KDELR3: variants seen among roughly 807,000 people sequenced by gnomAD.
The protein encoded by KDELR3 is ER lumen protein-retaining receptor 3.
KDELR3 carries 26 observed loss-of-function variants against 22.7 expected under a neutral mutation model. The ratio of observed to expected loss-of-function variants is 1.15; its 90% CI spans 0.84 to 1.59. The LOEUF (loss-of-function observed/expected upper bound fraction) is 1.59, where lower values mean the gene tolerates loss of function less well. KDELR3 is among the 40% of genes most tolerant of loss of function. KDELR3 has a pLI of 0.00. For synonymous variants in KDELR3, 120 were observed against 98.2 expected (o/e 1.22, Z -1.31); for missense variants, 289 against 251.1 (o/e 1.15, Z -1.02).
intron 2 of KDELR3, among the ~76,000 whole-genome samples, chr22:38,476,096 A>AT (rs1292147500): frequency 1.3e-5 from 2 of 149,954 alleles, no homozygotes; most frequent in South Asian, 2.1e-4. Context: ...TGCCTGGCTA[A>AT]TTTTTTTGTA....
In KDELR3 at chr22:38,474,833, A is replaced by G. The variant is rs535413899; in HGVS notation, c.192+210A>G. On this transcript the variant is annotated intron_variant, in intron 2 of 4. Coordinates refer to ENST00000216014, the MANE Select transcript of KDELR3 (RefSeq NM_006855.4). Reference sequence around the variant, plus strand: ...AGGACAGGGCTGGGCACTGTGGCTCATGCCTGTAATCCCAGCAATTTGGGA... The same window carrying G: ...AGGACAGGGCTGGGCACTGTGGCTCGTGCCTGTAATCCCAGCAATTTGGGA... 8.5e-5 allele frequency among the ~76,000 whole-genome samples: 13 copies of G among 152,198 alleles called. No individual in the cohort carries two copies. In the South Asian group the frequency reaches 2.7e-3, roughly 32 times the overall value.
chr22:38,474,192 C>CCA (rs2089542733), intron 1 of KDELR3: 1 of 245,194 alleles, frequency 4.1e-6, no homozygotes, highest in African/African-American at 2.3e-5. Flanking sequence ...TCAACAACCC[C>CCA]CACCAAGCCC....
In KDELR3 at chr22:38,477,031, C is replaced by T. The variant is rs148544025; in HGVS notation, c.192+2408C>T. Among the ~76,000 whole-genome samples, 1,367 of 150,690 alleles carry T rather than the reference C, an allele frequency of 9.1e-3. 20 individuals carry two copies. The highest frequency in any genetic ancestry group is 0.032 in the African/African-American group (1,292 of 40,886). On this transcript the variant is annotated intron_variant, in intron 2 of 4. Coordinates refer to ENST00000216014, the MANE Select transcript of KDELR3 (RefSeq NM_006855.4). The stretch of plus-strand genomic sequence containing the variant: ...TTCAAGAGATTCTGCCTCAGCCTCC[C>T]GAGTAGCTGGGATTACAGATGTGTG...
At chr22:38,472,700 G>C (rs950638710) in intron 1 of KDELR3, among the ~76,000 whole-genome samples, 1 of 151,596 alleles carries the variant, frequency 6.6e-6, no homozygotes, top group Non-Finnish European at 1.5e-5. Context: ...TTTTTGTTTT[G>C]TTTTGTTTTG....
At chr22:38,475,855 C>T (rs574952219) in intron 2 of KDELR3, among the ~76,000 whole-genome samples, 76 of 151,778 alleles carry the variant, frequency 5.0e-4, no homozygotes, top group African/African-American at 1.8e-3. Context: ...GCTGGTCTCA[C>T]GCTCCTGACC....
intron 2 of KDELR3, among the ~76,000 whole-genome samples, chr22:38,478,136 G>GA (rs149978584): frequency 0.028 from 4,139 of 149,768 alleles, 234 homozygotes; most frequent in African/African-American, 0.1. Context: ...TCATTGTAGT[G>GA]AAAAAAAGAC....
At chr22:38,473,875 GAGGCAGGAGAATCA>G (rs2089540344) in intron 1 of KDELR3, among the ~76,000 whole-genome samples, 1 of 152,132 alleles carries the variant, frequency 6.6e-6, no homozygotes, top group South Asian at 2.1e-4. Flanking sequence ...TTCGGAGGCT[GAGGCAGGAGAATCA>G]CTTGAACCCA....
chr22:38,476,406 G>C (rs190082588), intron 2 of KDELR3, among the ~76,000 whole-genome samples: 64 of 152,138 alleles, frequency 4.2e-4, no homozygotes, highest in Non-Finnish European at 7.8e-4. Flanking sequence ...TTTTAGTAGA[G>C]ACAGGGTTTC....
Position 38,474,614 on chromosome 22 carries a change from A to G in KDELR3, c.183A>G (p.Thr61=), listed in dbSNP as rs774252877. 1.2e-6 allele frequency: 2 copies of G among 1,612,608 alleles called. No homozygotes were observed. Among genetic ancestry groups the G allele is most frequent in the Non-Finnish European group, 1.7e-6 (2 of 1,178,790 alleles). Residue 61 remains threonine (T), a synonymous_variant, in exon 2 of 5, where the codon ACA becomes ACG. Transcript: ENST00000216014. ...LFTNFISIYN[T]VMKVVFLLCA... ...CCAACTTCATCTCCATCTACAACAC[A>G]GTAATGAAGGTGAGGGGCTGGGTGA... is the stretch of plus-strand genomic sequence containing the variant.
Position 38,472,571 on chromosome 22 carries a change from A to G in KDELR3, c.92-1952A>G, listed in dbSNP as rs196053. On this transcript the variant is annotated intron_variant, in intron 1 of 4. Transcript: ENST00000216014. The stretch of plus-strand genomic sequence containing the variant: ...ATTCCGGGATGGAATCCAGGAATGG[A>G]AAAAGGGCAGCAGTGGGAAAACTGG... Among the ~76,000 whole-genome samples the G allele has an allele frequency of 3.3e-3, 501 of 152,336 alleles. 4 individuals are homozygous for G. The highest frequency in any genetic ancestry group is 0.012 in the African/African-American group (480 of 41,562).
In KDELR3 at chr22:38,468,339, G is replaced by T; in HGVS notation, c.91+15G>T. On this transcript the variant is annotated intron_variant, in intron 1 of 4. Transcript: ENST00000216014. ...GTGCTGCAAGGGTGAGGGGCGCCTG[G>T]CAGGGAGGTGCGGGACCCCCTCTCT... 1 of 1,611,508 alleles carries T rather than the reference G, an allele frequency of 6.2e-7. No individual in the cohort carries two copies. Among genetic ancestry groups the T allele is most frequent in the Non-Finnish European group, 8.5e-7 (1 of 1,178,314 alleles).
intron 1 of KDELR3, among the ~76,000 whole-genome samples, chr22:38,473,165 C>T (rs1473498859): frequency 6.6e-6 from 1 of 152,240 alleles, no homozygotes; most frequent in East Asian, 1.9e-4. Context: ...TGGCTCACGC[C>T]TATAATCCCA....
Position 38,474,612 on chromosome 22 carries a change from A to C in KDELR3, c.181A>C (p.Thr61Pro), listed in dbSNP as rs770904180. Residue 61 changes from threonine (T) to proline (P), a missense_variant, in exon 2 of 5, where the codon ACA becomes CCA. Transcript: ENST00000216014. ...LFTNFISIYN[T>P]VMKVVFLLCA... ...CACCAACTTCATCTCCATCTACAAC[A>C]CAGTAATGAAGGTGAGGGGCTGGGT... The C allele has an allele frequency of 8.7e-6, 14 of 1,611,500 alleles. No individual in the cohort carries two copies. The highest frequency in any genetic ancestry group is 1.1e-5 in the Non-Finnish European group (13 of 1,178,012).
chr22:38,474,124 C>G (rs1182942202), intron 1 of KDELR3, among the ~76,000 whole-genome samples: 2 of 152,162 alleles, frequency 1.3e-5, no homozygotes, highest in Non-Finnish European at 2.9e-5. Context: ...GTTGTTCCTC[C>G]TAAGACTGAG....
chr22:38,479,184 T>TA (rs76521585), intron 2 of KDELR3, among the ~76,000 whole-genome samples: 56 of 144,966 alleles, frequency 3.9e-4, no homozygotes, highest in East Asian at 1.8e-3. Flanking sequence ...GGGCAACATT[T>TA]AAAAAAAAAA....
chr22:38,483,164 C>T lies in KDELR3; in HGVS notation c.*628C>T, dbSNP rs2089617920. Reference sequence around the variant, plus strand: ...GCTGATACCTGCCTTGTACTTAGTACCTTAATACCAATAACCTAATGGTAC... The same window carrying T: ...GCTGATACCTGCCTTGTACTTAGTATCTTAATACCAATAACCTAATGGTAC... On this transcript the variant is annotated 3_prime_UTR_variant, in exon 5 of 5. Transcript: ENST00000216014. 6.6e-6 allele frequency: 1 copy of T among 152,454 alleles called. No individual in the cohort carries two copies. Among genetic ancestry groups the T allele is most frequent in the Non-Finnish European group, 1.5e-5 (1 of 68,334 alleles). The allele number at this position is 152,454 out of a possible 1,614,324, so 9.4% of individuals were successfully genotyped here.
rs569016068 is a variant in KDELR3 at position 38,481,115 on chromosome 22, C to T, written c.352-97C>T. On this transcript the variant is annotated intron_variant, in intron 3 of 4. Transcript: ENST00000216014. ...GAGAACTTTTTCCCTCCTTACTGTA[C>T]CTTCTCCAGCAAGCTATTGTTTTAG... 4.9e-5 allele frequency: 54 copies of T among 1,111,368 alleles called. No individual in the cohort carries two copies. In the African/African-American group the frequency reaches 7.7e-4, roughly 16 times the overall value. 68.8% of individuals were successfully genotyped at this position (1,111,368 alleles called of 1,614,324 possible).
At chr22:38,473,550 G>A (rs1206683939) in intron 1 of KDELR3, among the ~76,000 whole-genome samples, 1 of 152,204 alleles carries the variant, frequency 6.6e-6, no homozygotes, top group East Asian at 1.9e-4. Flanking sequence ...TGTCATGTGT[G>A]TACATGTTCA....
intron 1 of KDELR3, among the ~76,000 whole-genome samples, chr22:38,470,126 CT>C (rs1156916332): frequency 3.0e-3 from 358 of 120,406 alleles, no homozygotes; most frequent in Admixed American, 2.8e-3. Context: ...GCGCCCACTT[CT>C]TTTTTTTTTT....
Sources: allele counts gnomAD v4.1 joint callset (sites outside exome capture counted in the v4.1 genomes callset), GRCh38; gene constraint gnomAD v4.1.1; transcripts MANE v1.5; gene names NCBI Gene and HGNC (gene_info 2026-07-23, HGNC 2026-07-21).